B9D1: variants seen among roughly 807,000 people sequenced by gnomAD.
The protein encoded by B9D1 is B9 domain-containing protein 1.
Under a neutral mutation model 26.1 loss-of-function variants are expected in B9D1, and 20 were observed. That is an observed-to-expected ratio of 0.77 (90% CI 0.54 to 1.12). The LOEUF (loss-of-function observed/expected upper bound fraction) is 1.12. Among genes scored for constraint, B9D1 ranks in the 50% most tolerant of loss-of-function variants. The pLI, the probability that B9D1 is intolerant of heterozygous loss-of-function variation, is 0.00. For missense variants in B9D1, 260 were observed against 273.7 expected (o/e 0.95, Z 0.35); for synonymous variants, 105 against 103.1 (o/e 1.02, Z -0.11).
At chr17:19,360,419 T>A (rs1024274167) in intron 1 of B9D1, 31 bp from the exon 2 acceptor site, 4 of 1,600,714 alleles carry the variant, frequency 2.5e-6, no homozygotes, top group Non-Finnish European at 3.4e-6. Flanking sequence ...TTCTGTCGAC[T>A]GGTATTCATG....
At chr17:19,373,894 T>C (rs921692917) in intron 1 of B9D1, among the ~76,000 whole-genome samples, 1 of 152,154 alleles carries the variant, frequency 6.6e-6, no homozygotes. Flanking sequence ...CTGCCAGAAA[T>C]ACCTTTCAGG....
At chr17:19,355,842 A>C (rs1303051708) in intron 3 of B9D1, among the ~76,000 whole-genome samples, 1 of 152,144 alleles carries the variant, frequency 6.6e-6, no homozygotes, top group African/African-American at 2.4e-5. Flanking sequence ...TCAAAAAAAA[A>C]AGTCAGGCTT....
At chr17:19,360,089 G>A (rs768205882) in intron 2 of B9D1, among the ~76,000 whole-genome samples, 4 of 152,168 alleles carry the variant, frequency 2.6e-5, no homozygotes, top group Non-Finnish European at 5.9e-5. Flanking sequence ...TTGCTGCCCC[G>A]GGGAAGCTCA....
chr17:19,371,860 G>A (rs142513851), intron 1 of B9D1, among the ~76,000 whole-genome samples: 53 of 152,322 alleles, frequency 3.5e-4, no homozygotes, highest in Middle Eastern at 3.4e-3. Flanking sequence ...CACAGACATG[G>A]GTGTGGGTTG....
At chr17:19,339,748 AG>A, downstream of B9D1, among the ~76,000 whole-genome samples, 1 of 152,252 alleles carries the variant, frequency 6.6e-6, no homozygotes, top group South Asian at 2.1e-4. Context: ...TGTGCCTCAA[AG>A]GGTGCCATGG....
intron 5 of B9D1, 73 bp from the exon 6 acceptor site, chr17:19,343,930 G>A (rs760348660): frequency 6.2e-7 from 1 of 1,604,750 alleles, no homozygotes; most frequent in African/African-American, 1.3e-5. Context: ...CACTGGATGT[G>A]GGCTCTCCTC....
intron 5 of B9D1, among the ~76,000 whole-genome samples, chr17:19,345,499 G>C (rs1234741653): frequency 6.6e-6 from 1 of 152,154 alleles, no homozygotes; most frequent in African/African-American, 2.4e-5. Flanking sequence ...ATATGATTAG[G>C]CTAAGGATCT....
downstream of B9D1, among the ~76,000 whole-genome samples, chr17:19,340,048 C>G (rs75037276): frequency 9.6e-6 from 1 of 104,420 alleles, no homozygotes; most frequent in African/African-American, 3.1e-5. Context: ...CCCCCCCCCC[C>G]GGCTTCCCGG....
intron 1 of B9D1, among the ~76,000 whole-genome samples, 166 bp downstream of exon 1, chr17:19,362,341 C>G (rs1911202553): frequency 6.6e-6 from 1 of 152,204 alleles, no homozygotes; most frequent in Non-Finnish European, 1.5e-5. Context: ...AGGATCCGGG[C>G]AACCTCGCGC....
rs1911859806 is a variant in B9D1 at position 19,370,852 on chromosome 17, G to A, written c.-298+7007C>T. 6.6e-6 allele frequency among the ~76,000 whole-genome samples: 1 copy of A among 152,218 alleles called. No homozygotes were observed. The highest frequency in any genetic ancestry group is 1.5e-5 in the Non-Finnish European group (1 of 68,036). ...TCAGGGGCAGTCCCTTTCCCACGGG[G>A]AGGGCCGCATGCAAATGCCACACTG... On this transcript the variant is annotated intron_variant, in intron 1 of 5. Transcript: ENST00000477478. This position sits in a 1 kb window ranked among gnomAD's most constrained non-coding sequence, Gnocchi z 5.1.
At chr17:19,346,736 C>T (rs934956358) in intron 5 of B9D1, among the ~76,000 whole-genome samples, 3 of 152,148 alleles carry the variant, frequency 2.0e-5, no homozygotes, top group African/African-American at 7.2e-5. Flanking sequence ...GGCCACACTG[C>T]CGTCCTGGCC....
intron 1 of B9D1, among the ~76,000 whole-genome samples, chr17:19,368,851 G>A (rs563784425): frequency 6.6e-6 from 1 of 152,276 alleles, no homozygotes; most frequent in African/African-American, 2.4e-5. Context: ...GGAGGCTGAG[G>A]CGGGAGGAGC....
rs765253677 is a variant in B9D1, at chr17:19,343,419, T to C, written c.515A>G (p.Asn172Ser). Reference protein sequence around the residue: ...RSQGFVTLLFNVVTKDMRKLG... With the variant: ...RSQGFVTLLFSVVTKDMRKLG... ...TTTCCTCATGTCCTTGGTCACCACG[T>C]TGAAGAGGAGGGTGACAAAGCCCTG... The change falls in exon 7 of 7, where the codon AAC becomes AGC. Residue 172 changes from asparagine to serine, a missense_variant. Asn to Ser is a conservative substitution (Grantham distance 46). Transcript: ENST00000261499. 1.5e-5 allele frequency: 24 copies of C among 1,613,974 alleles called. No homozygotes were observed. Among genetic ancestry groups the C allele is most frequent in the Non-Finnish European group, 2.0e-5 (24 of 1,180,016 alleles).
rs1365345908 is a variant in B9D1, at chr17:19,350,429, C to T, written c.245-2549G>A. Among the ~76,000 whole-genome samples the T allele has an allele frequency of 5.9e-5, 9 of 151,860 alleles. No homozygotes were observed. The East Asian group carries it at 1.8e-3, about 30-fold the overall frequency. On this transcript the variant is annotated intron_variant, in intron 3 of 6. Coordinates refer to ENST00000261499, the MANE Select transcript of B9D1 (RefSeq NM_015681.6). ...GGTGTGGTCGCATGTGCCTGTAGTCCCAGCTACTCCGGAGGCTGAGGCAGA... is the reference window on the plus strand; with the variant it reads ...GGTGTGGTCGCATGTGCCTGTAGTCTCAGCTACTCCGGAGGCTGAGGCAGA...
rs1286614834 is a variant in B9D1, at chr17:19,347,489, T to A, written c.342-158A>T. Among the ~76,000 whole-genome samples the A allele has an allele frequency of 6.6e-6, 1 of 152,194 alleles. No homozygotes were observed. The highest frequency in any genetic ancestry group is 6.5e-5 in the Admixed American group (1 of 15,272). On this transcript the variant is annotated intron_variant, in intron 4 of 6. Transcript: ENST00000261499. The surrounding 1 kb of genome is among the most constrained non-coding windows in gnomAD (Gnocchi z 4.3). ...ACCTGTGCTAACTGAGCACCCCCTG[T>A]GTCTGGGCAAGGTGCTGAGCGCCAG...
In B9D1 at chr17:19,343,877, C is replaced by CA; in HGVS notation, c.405-21dup. On this transcript the variant is annotated intron_variant, in intron 5 of 6. Transcript: ENST00000261499. ...AACCAGCTGGGAACACAGAAGAACACAGGTGAGCAGGGCCCCACCTGGGCA... is the reference window on the plus strand; with the variant it reads ...AACCAGCTGGGAACACAGAAGAACACAAGGTGAGCAGGGCCCCACCTGGGCA... The CA allele has an allele frequency of 1.9e-6, 3 of 1,613,664 alleles. No homozygotes were observed. The highest frequency in any genetic ancestry group is 2.5e-6 in the Non-Finnish European group (3 of 1,179,836).
At position 19,347,087 on chromosome 17, in the gene B9D1, G is replaced by A. The variant is rs762122472; in HGVS notation, c.404+182C>T. ...TAAAATCGCCCGGCCTTCTGCTGCT[G>A]GAACAGGGCTGAAGGGAGCCCCGTG... On this transcript the variant is annotated intron_variant, in intron 5 of 6. Coordinates refer to ENST00000261499, the MANE Select transcript of B9D1 (RefSeq NM_015681.6). This position sits in a 1 kb window ranked among gnomAD's most constrained non-coding sequence, Gnocchi z 4.3. 1.3e-6 allele frequency: 2 copies of A among 1,558,240 alleles called. No homozygotes were observed. The highest frequency in any genetic ancestry group is 1.7e-6 in the Non-Finnish European group (2 of 1,150,944).
In B9D1 at chr17:19,359,886, T is replaced by C. The variant is rs916724293; in HGVS notation, c.132+434A>G. On this transcript the variant is annotated intron_variant, in intron 2 of 6. Transcript: ENST00000261499. The surrounding 1 kb of genome is among the most constrained non-coding windows in gnomAD (Gnocchi z 5.0). The stretch of plus-strand genomic sequence containing the variant: ...GAGCGGGCTGAAGTTGTCACCACAG[T>C]CCCTCACCTGGTGGAGGCAAGCTAC... Among the ~76,000 whole-genome samples, 2 of 152,176 alleles carry C rather than the reference T, an allele frequency of 1.3e-5. No individual in the cohort carries two copies. Among genetic ancestry groups the C allele is most frequent in the African/African-American group, 4.8e-5 (2 of 41,442 alleles).
At chr17:19,344,705 C>T in intron 5 of B9D1, 1 of 163,632 alleles carries the variant, frequency 6.1e-6, no homozygotes, top group South Asian at 1.2e-4. Context: ...ACGCACCGCC[C>T]TCCCCGCGGC....
Sources: gnomAD v4.1 joint callset for allele counts (sites outside exome capture counted in the v4.1 genomes callset) on GRCh38, gnomAD v4.1.1 for gene constraint, Gnocchi (gnomAD v3.1) non-coding constraint, MANE v1.5 for transcripts, NCBI Gene and HGNC (gene_info 2026-07-23, HGNC 2026-07-21) for gene names.